Variants in PKHD1L1 observed in about 807,000 individuals in gnomAD.
PKHD1L1 encodes the protein PKHD1 like 1, also known as fibrocystin-L.
Under a neutral mutation model 462.9 loss-of-function variants are expected in PKHD1L1, and 434 were observed. The observed-to-expected ratio is 0.94, with a 90% confidence interval of 0.87 to 1.02. The LOEUF is 1.02. Among genes scored for constraint, PKHD1L1 ranks in the 50% least tolerant of loss-of-function variants. The pLI is 0.00. For missense variants in PKHD1L1, 5,202 were observed against 5,096.1 expected (o/e 1.02, Z -0.63); for synonymous variants, 1,781 against 1,750.0 (o/e 1.02, Z -0.44).
intron 50 of PKHD1L1, among the ~76,000 whole-genome samples, chr8:109,474,795 T>A (rs898556282): frequency 6.6e-6 from 1 of 152,164 alleles, no homozygotes; most frequent in Admixed American, 6.6e-5. Context: ...GCAGTTGTAA[T>A]TTCACAATGT....
Position 109,459,710 on chromosome 8 carries a change from C to T in PKHD1L1, c.7120C>T (p.Pro2374Ser). 1 of 1,611,904 alleles carries T rather than the reference C, an allele frequency of 6.2e-7. No homozygotes were observed. The highest frequency in any genetic ancestry group is 1.1e-5 in the South Asian group (1 of 90,840). The change falls in exon 47 of 78, where the codon CCT becomes TCT. Residue 2374 changes from proline to serine, a missense_variant. Around this residue, in one of 3 missense-constraint regions of PKHD1L1, gnomAD observed 4,497 missense variants for 4,336.8 expected, o/e 1.04. Transcript: ENST00000378402. Reference sequence around the variant, plus strand: ...ACACTTAGGAATTACGGTCACACTCCCTGATGGAACTCTGTTTGAAGCAAG... The same window carrying T: ...ACACTTAGGAATTACGGTCACACTCTCTGATGGAACTCTGTTTGAAGCAAG... ...YTHLGITVTL[P>S]DGTLFEARAE...
rs763459498 is a variant in PKHD1L1, at chr8:109,436,465, G to T, written c.3627+6G>T. The T allele has an allele frequency of 6.2e-7, 1 of 1,610,980 alleles. No homozygotes were observed. The highest frequency in any genetic ancestry group is 1.7e-5 in the Admixed American group (1 of 59,666). The stretch of plus-strand genomic sequence containing the variant: ...TAACCTGCAGGACACCAAAAGTAAG[G>T]CCTCTGATTTCAGTCACTTTTTCCT... On this transcript the variant is annotated splice_donor_region_variant and intron_variant, in intron 30 of 77. Transcript: ENST00000378402.
At chr8:109,409,772 C>A in intron 18 of PKHD1L1, 93 bp from the exon 19 acceptor site, 1 of 545,018 alleles carries the variant, frequency 1.8e-6, no homozygotes, top group South Asian at 4.3e-5. Flanking sequence ...TGAAAATGTC[C>A]TATTAAAACT....
chr8:109,461,737 A>AT (rs33991097), intron 47 of PKHD1L1, 35 bp from the exon 48 acceptor site: 2 of 1,580,082 alleles, frequency 1.3e-6, no homozygotes, highest in East Asian at 2.3e-5. Context: ...GATTCCGACA[A>AT]TTTTTTTAAT....
chr8:109,411,932 T>A (rs1813877759), intron 19 of PKHD1L1, among the ~76,000 whole-genome samples: 1 of 151,934 alleles, frequency 6.6e-6, no homozygotes, highest in African/African-American at 2.4e-5. Context: ...ATCCTGAAGA[T>A]TAAACAGCAA....
intron 11 of PKHD1L1, among the ~76,000 whole-genome samples, chr8:109,397,568 T>C (rs561567163): frequency 6.6e-6 from 1 of 152,128 alleles, no homozygotes; most frequent in East Asian, 1.9e-4. Flanking sequence ...CACATGCCCG[T>C]AGTTCCAGCT....
At chr8:109,439,135 G>T (rs556421328) in intron 32 of PKHD1L1, 43 bp downstream of exon 32, 1 of 1,533,002 alleles carries the variant, frequency 6.5e-7, no homozygotes, top group Non-Finnish European at 8.9e-7. Flanking sequence ...TAGAACACAT[G>T]GGGCTAGTGG....
rs575244902 is a variant in PKHD1L1 at position 109,422,395 on chromosome 8, G to A, written c.2697+1705G>A. Among the ~76,000 whole-genome samples, 34 of 152,170 alleles carry A rather than the reference G, an allele frequency of 2.2e-4. 1 individual carries two copies. The Middle Eastern group carries it at 0.01, about 46-fold the overall frequency. On this transcript the variant is annotated intron_variant, in intron 23 of 77. Coordinates refer to ENST00000378402, the MANE Select transcript of PKHD1L1 (RefSeq NM_177531.6). Reference sequence around the variant, plus strand: ...TTCCTCCTGCACTCACTTATATATGGCAACCACAAATTCATTCTCTCAATA... The same window carrying A: ...TTCCTCCTGCACTCACTTATATATGACAACCACAAATTCATTCTCTCAATA...
chr8:109,494,280 AC>A (rs1818979716), intron 63 of PKHD1L1, among the ~76,000 whole-genome samples: 1 of 151,730 alleles, frequency 6.6e-6, no homozygotes, highest in Admixed American at 6.6e-5. Context: ...AAACATTTAC[AC>A]CTTGCTGGTT....
chr8:109,429,447 C>A lies in PKHD1L1; in HGVS notation c.3108C>A (p.Pro1036=). 4.4e-6 allele frequency: 7 copies of A among 1,607,886 alleles called. No individual in the cohort carries two copies. The highest frequency in any genetic ancestry group is 5.9e-6 in the Non-Finnish European group (7 of 1,176,800). ...QHVLGDLLRT[P]SQQPQVEVYV... The stretch of plus-strand genomic sequence containing the variant: ...TACTTGGAGACCTACTTCGTACACC[C>A]AGTCAACAGCCACAGGTATTTTTGA... Residue 1036 remains proline (P), a synonymous_variant, in exon 26 of 78, where the codon CCC becomes CCA. Coordinates refer to ENST00000378402, the MANE Select transcript of PKHD1L1 (RefSeq NM_177531.6).
chr8:109,486,120 A>G (rs1463086950), intron 58 of PKHD1L1, among the ~76,000 whole-genome samples: 1 of 151,954 alleles, frequency 6.6e-6, no homozygotes, highest in Non-Finnish European at 1.5e-5. Flanking sequence ...AAATGTACAG[A>G]TGGTGTTGGA....
chr8:109,419,911 A>ATT (rs35369085), intron 22 of PKHD1L1, among the ~76,000 whole-genome samples: 143 of 149,206 alleles, frequency 9.6e-4, no homozygotes, highest in Non-Finnish European at 1.4e-3. Context: ...GAGTTAACTG[A>ATT]TTTTTTTTTT....
In PKHD1L1 at chr8:109,437,990, G is replaced by T. The variant is rs186499837; in HGVS notation, c.3628-334G>T. On this transcript the variant is annotated intron_variant, in intron 30 of 77. Transcript: ENST00000378402. ...TACCTGTCTATTTTAAAAGCAAAAAGTCAAACTTTAGTATCTAATGCTTTA... is the reference window on the plus strand; with the variant it reads ...TACCTGTCTATTTTAAAAGCAAAAATTCAAACTTTAGTATCTAATGCTTTA... 3.6e-4 allele frequency among the ~76,000 whole-genome samples: 55 copies of T among 152,164 alleles called. No homozygotes were observed. The East Asian group carries it at 0.01, about 28-fold the overall frequency.
intron 30 of PKHD1L1, among the ~76,000 whole-genome samples, chr8:109,437,184 G>A (rs937724804): frequency 1.3e-5 from 2 of 152,130 alleles, no homozygotes; most frequent in African/African-American, 4.8e-5. Flanking sequence ...AAAGTGCTGG[G>A]ATTACAGACG....
chr8:109,461,627 G>C, intron 47 of PKHD1L1, 145 bp from the exon 48 acceptor site: 3 of 857,082 alleles, frequency 3.5e-6, no homozygotes, highest in Non-Finnish European at 5.3e-6. Flanking sequence ...TCTAAAAGAG[G>C]AAATGATGTG....
At chr8:109,482,556 G>A (rs1045565314) in intron 56 of PKHD1L1, among the ~76,000 whole-genome samples, 1 of 151,652 alleles carries the variant, frequency 6.6e-6, no homozygotes, top group African/African-American at 2.4e-5. Flanking sequence ...GTCACATTAA[G>A]TATATTATTA....
chr8:109,441,199 T>C, intron 33 of PKHD1L1, 76 bp from the exon 34 acceptor site: 8 of 974,966 alleles, frequency 8.2e-6, no homozygotes, highest in Non-Finnish European at 1.0e-5. Context: ...GAATTATGCT[T>C]CATCTCTATA....
At chr8:109,379,868 G>T (rs1586388865) in intron 2 of PKHD1L1, among the ~76,000 whole-genome samples, 1 of 152,058 alleles carries the variant, frequency 6.6e-6, no homozygotes, top group South Asian at 2.1e-4. Context: ...AAAGAAATAG[G>T]GTTGCTTTAA....
rs1341781791 is a variant in PKHD1L1, at chr8:109,384,112, T to A, written c.460T>A (p.Leu154Ile). 1 of 1,610,922 alleles carries A rather than the reference T, an allele frequency of 6.2e-7. No homozygotes were observed. Among genetic ancestry groups the A allele is most frequent in the Non-Finnish European group, 8.5e-7 (1 of 1,177,490 alleles). ...CCCAACAATAAGAAGCATCACACCT[T>A]TATCTGGAACTCCAGGTCTGTTATA... ...RTPTIRSITP[L>I]SGTPGTLITI... The change falls in exon 5 of 78, where the codon TTA (leucine) becomes ATA (isoleucine). Residue 154 changes from leucine to isoleucine, a missense_variant. This residue lies in a region of PKHD1L1 where 4,497 missense variants were observed against 4,336.8 expected (regional missense o/e 1.04). Transcript: ENST00000378402.
Sources: allele counts gnomAD v4.1 joint callset (sites outside exome capture counted in the v4.1 genomes callset), GRCh38; gene constraint gnomAD v4.1.1; regional missense constraint gnomAD v4.1.1; transcripts MANE v1.5; gene names NCBI Gene and HGNC (gene_info 2026-07-23, HGNC 2026-07-21).